Variants in ATP11A observed in about 807,000 individuals in gnomAD.
ATP11A encodes ATPase phospholipid transporting 11A.
A neutral mutation model predicts 154.4 loss-of-function variants in ATP11A; 81 were observed. The ratio of observed to expected loss-of-function variants is 0.52; its 90% CI spans 0.44 to 0.63. The LOEUF (loss-of-function observed/expected upper bound fraction) is 0.63. Ranked by LOEUF, ATP11A falls within the 30% of genes least tolerant of loss-of-function variation. The pLI is 0.00. For synonymous variants in ATP11A, 623 were observed against 585.9 expected (o/e 1.06, Z -0.91); for missense variants, 1,316 against 1,474.3 (o/e 0.89, Z 1.76).
intron 1 of ATP11A, among the ~76,000 whole-genome samples, chr13:112,763,705 G>A (rs753198236): frequency 6.6e-6 from 1 of 152,116 alleles, no homozygotes; most frequent in South Asian, 2.1e-4. Flanking sequence ...TTAACTTCAC[G>A]CTGACTTCAA....
At chr13:112,877,334 CT>C (rs35439410) in intron 28 of ATP11A, among the ~76,000 whole-genome samples, 9 of 152,246 alleles carry the variant, frequency 5.9e-5, no homozygotes, top group Non-Finnish European at 8.8e-5. Context: ...CGAGAAGCAG[CT>C]GTCCAGTGGT....
chr13:112,863,698 C>T (rs919106841), intron 25 of ATP11A, among the ~76,000 whole-genome samples: 4 of 133,764 alleles, frequency 3.0e-5, no homozygotes, highest in African/African-American at 5.7e-5. Flanking sequence ...CAGTGCAGGC[C>T]TGCGCAGCTT....
chr13:112,793,466 G>A (rs924824844), intron 2 of ATP11A, among the ~76,000 whole-genome samples: 2 of 152,236 alleles, frequency 1.3e-5, no homozygotes, highest in African/African-American at 4.8e-5. Flanking sequence ...GCCTCCCAAA[G>A]TGCTGGGTTT....
At chr13:112,845,605 C>T (rs188387473) in intron 17 of ATP11A, among the ~76,000 whole-genome samples, 1,297 of 118,484 alleles carry the variant, frequency 0.011, 279 homozygotes, top group Middle Eastern at 0.028. Flanking sequence ...AGTCCAGTTA[C>T]CAGGCACTAG....
At chr13:112,880,865 G>A in intron 29 of ATP11A, 1 of 1,060,684 alleles carries the variant, frequency 9.4e-7, no homozygotes, top group Non-Finnish European at 1.2e-6. Context: ...ACACACGTGT[G>A]CACACTCACC....
At position 112,833,023 on chromosome 13, in the gene ATP11A, G is replaced by C. The variant is rs1256728701; in HGVS notation, c.1559G>C (p.Arg520Thr). 6.2e-7 allele frequency: 1 copy of C among 1,610,166 alleles called. No individual in the cohort carries two copies. The highest frequency in any genetic ancestry group is 1.1e-5 in the South Asian group (1 of 90,794). Residue 520 changes from arginine to threonine, a missense_variant and splice_region_variant, in exon 14 of 30, where the codon AGA (arginine) becomes ACA (threonine). Coordinates refer to ENST00000375645, the MANE Select transcript of ATP11A (RefSeq NM_015205.3). ...GTGGCGCTGGTCGAAGGTGTCCAGA[G>C]GTACGTCGCGGGCCAAGGGTCTGCC... ...DEVALVEGVQ[R>T]LGFTYLRLKD...
At chr13:112,738,383 A>G (rs1013663576) in intron 1 of ATP11A, among the ~76,000 whole-genome samples, 13 of 152,196 alleles carry the variant, frequency 8.5e-5, no homozygotes, top group African/African-American at 1.2e-4. Context: ...CAAAAAGAAA[A>G]GAAAAGAAAT....
chr13:112,869,248 A>T (rs2080434933), intron 25 of ATP11A, among the ~76,000 whole-genome samples: 1 of 152,216 alleles, frequency 6.6e-6, no homozygotes, highest in South Asian at 2.1e-4. Flanking sequence ...AGCGTTTCTC[A>T]GGGGCCCTGA....
intron 16 of ATP11A, among the ~76,000 whole-genome samples, chr13:112,837,025 CCACAGGT>C (rs1262979393): frequency 6.6e-6 from 1 of 152,270 alleles, no homozygotes; most frequent in Non-Finnish European, 1.5e-5. Flanking sequence ...ACGACACATG[CCACAGGT>C]CACTCAACAC....
At position 112,873,449 on chromosome 13, in the gene ATP11A, C is replaced by T. The variant is rs918719282; in HGVS notation, c.3058-124C>T. ...GAGCCGTGTTTTGCAGGCATTGAGT[C>T]GTCATTGCTGGGTCTTGCGTTTGGT... is the stretch of plus-strand genomic sequence containing the variant. On this transcript the variant is annotated intron_variant, in intron 26 of 29. Coordinates refer to ENST00000375645, the MANE Select transcript of ATP11A (RefSeq NM_015205.3). 3.3e-4 allele frequency: 218 copies of T among 653,668 alleles called. 4 individuals carry two copies. Among genetic ancestry groups the T allele is most frequent in the Admixed American group, 2.7e-4 (8 of 29,920 alleles). 40.5% of individuals were successfully genotyped at this position (653,668 alleles called of 1,614,324 possible).
intron 17 of ATP11A, among the ~76,000 whole-genome samples, chr13:112,849,883 G>T (rs1446666808): frequency 6.6e-6 from 1 of 152,210 alleles, no homozygotes; most frequent in East Asian, 1.9e-4. Context: ...TTTCCTCTGA[G>T]ACGGGTCCAC....
At chr13:112,732,036 A>G (rs4907542) in intron 1 of ATP11A, among the ~76,000 whole-genome samples, 12,607 of 152,090 alleles carry the variant, frequency 0.083, 1,636 homozygotes, top group African/African-American at 0.28. Flanking sequence ...CATCCTGTGC[A>G]TACCTGCACC....
chr13:112,843,818 C>T (rs1308860062), intron 17 of ATP11A, among the ~76,000 whole-genome samples: 2 of 152,182 alleles, frequency 1.3e-5, no homozygotes, highest in African/African-American at 2.4e-5. Context: ...TGTCGACGTG[C>T]GGATCATCAT....
chr13:112,859,073 T>G lies in ATP11A; in HGVS notation c.2668-320T>G. The G allele has an allele frequency of 3.4e-6, 1 of 294,538 alleles. No individual in the cohort carries two copies. The highest frequency in any genetic ancestry group is 6.6e-6 in the Non-Finnish European group (1 of 152,398). The allele number at this position is 294,538 out of a possible 1,614,324, so 18.2% of individuals were successfully genotyped here. On this transcript the variant is annotated intron_variant, in intron 22 of 29. Transcript: ENST00000375645. This position sits in a 1 kb window ranked among gnomAD's most constrained non-coding sequence, Gnocchi z 4.3. The stretch of plus-strand genomic sequence containing the variant: ...CCAGTGAGAACCTTTCAGGTGGAAA[T>G]GTTTGAGGAAGGATTCCTTATTCAC...
chr13:112,837,445 C>T (rs9603965), intron 16 of ATP11A, among the ~76,000 whole-genome samples: 6,888 of 152,300 alleles, frequency 0.045, 264 homozygotes, highest in African/African-American at 0.1. Flanking sequence ...GCTGCCTGCA[C>T]GCATCCCGAA....
intron 2 of ATP11A, among the ~76,000 whole-genome samples, chr13:112,787,079 ACCC>A (rs1280904935): frequency 8.1e-5 from 10 of 123,382 alleles, no homozygotes; most frequent in African/African-American, 2.3e-4. Context: ...TGATGCGTAG[ACCC>A]CTGTGGAGAC....
At chr13:112,831,690 G>T (rs554218844) in intron 13 of ATP11A, 142 bp downstream of exon 13, 2 of 950,878 alleles carry the variant, frequency 2.1e-6, no homozygotes, top group South Asian at 1.6e-5. Context: ...CAGAAGGTGC[G>T]ATGTGTGTGG....
At chr13:112,776,201 G>A (rs1202407895) in intron 1 of ATP11A, among the ~76,000 whole-genome samples, 3 of 152,206 alleles carry the variant, frequency 2.0e-5, no homozygotes, top group Non-Finnish European at 2.9e-5. Context: ...ACACCTTGGG[G>A]CTGCTGAGTC....
intron 1 of ATP11A, among the ~76,000 whole-genome samples, chr13:112,705,022 G>T (rs99126): frequency 1.3e-5 from 2 of 152,106 alleles, no homozygotes; most frequent in African/African-American, 4.8e-5. Context: ...GTGGAATAAC[G>T]GGCATCTCCT....
Sources: gnomAD v4.1 joint callset for allele counts (sites outside exome capture counted in the v4.1 genomes callset) on GRCh38, gnomAD v4.1.1 for gene constraint, Gnocchi (gnomAD v3.1) non-coding constraint, MANE v1.5 for transcripts, NCBI Gene and HGNC (gene_info 2026-07-23, HGNC 2026-07-21) for gene names.